Variants in DDX19B observed in about 807,000 individuals in gnomAD.
The protein encoded by DDX19B is ATP-dependent RNA helicase DDX19B.
In DDX19B, 27 loss-of-function variants were observed where a neutral mutation model predicts 58.1. That is an observed-to-expected ratio of 0.46 (90% CI 0.34 to 0.64). DDX19B has a LOEUF of 0.64. Ranked by LOEUF, DDX19B falls within the 30% of genes least tolerant of loss-of-function variation. The pLI, the probability that DDX19B is intolerant of heterozygous loss-of-function variation, is 0.01. For synonymous variants in DDX19B, 187 were observed against 214.4 expected (o/e 0.87, Z 1.12); for missense variants, 399 against 596.5 (o/e 0.67, Z 3.45).
chr16:70,322,411 C>A (rs949895136), intron 5 of DDX19B, among the ~76,000 whole-genome samples: 1 of 150,672 alleles, frequency 6.6e-6, no homozygotes, highest in Non-Finnish European at 1.5e-5. Flanking sequence ...GCCAACATGG[C>A]GAAACCCATC....
intron 1 of DDX19B, among the ~76,000 whole-genome samples, chr16:70,308,456 C>T (rs767609407): frequency 4.6e-5 from 7 of 151,824 alleles, no homozygotes; most frequent in East Asian, 1.9e-4. Flanking sequence ...AGGCTGGTCT[C>T]GAACTCCTGA....
At chr16:70,321,979 G>A (rs1962850250) in intron 5 of DDX19B, among the ~76,000 whole-genome samples, 1 of 150,970 alleles carries the variant, frequency 6.6e-6, no homozygotes. Context: ...AGGTTGCAGT[G>A]AGCTGAGATC....
chr16:70,323,959 G>A (rs1360914389), intron 5 of DDX19B, among the ~76,000 whole-genome samples: 1 of 152,068 alleles, frequency 6.6e-6, no homozygotes, highest in African/African-American at 2.4e-5. Context: ...CCCAAGCAGA[G>A]CACAGCCAAG....
chr16:70,316,236 G>C (rs1215650112), intron 4 of DDX19B, 132 bp downstream of exon 4: 1 of 1,300,580 alleles, frequency 7.7e-7, no homozygotes. Flanking sequence ...TCGAGACAGA[G>C]TCTCACTCTG....
At chr16:70,292,389 C>T (rs1347729348), upstream of DDX19B, among the ~76,000 whole-genome samples, 1 of 152,088 alleles carries the variant, frequency 6.6e-6, no homozygotes, top group Non-Finnish European at 1.5e-5. Context: ...TCAGGTGATT[C>T]GCCTGCCTTG....
At position 70,325,679 on chromosome 16, in the gene DDX19B, G is replaced by A; in HGVS notation, c.598G>A (p.Gly200Ser). ...ACTGAAGCTAGCTTATGCTGTTCGA[G>A]GCAATAAATGTGAGTATGTGAATTT... ...PELKLAYAVRGNKLERGQKIS... is the reference protein window; with the variant it reads ...PELKLAYAVRSNKLERGQKIS... The change falls in exon 7 of 12, where the codon GGC (glycine) becomes AGC (serine). Residue 200 changes from glycine (G) to serine (S), a missense_variant. Physicochemically the swap from Gly to Ser is moderately conservative, Grantham distance 56. Around this residue, in one of 4 missense-constraint regions of DDX19B, gnomAD observed 67 missense variants for 74.3 expected, o/e 0.90. Coordinates refer to ENST00000288071, the MANE Select transcript of DDX19B (RefSeq NM_007242.7). The A allele has an allele frequency of 6.2e-7, 1 of 1,609,860 alleles. No individual in the cohort carries two copies. The highest frequency in any genetic ancestry group is 1.1e-5 in the South Asian group (1 of 90,590).
chr16:70,296,356 C>T (rs1483158231), upstream of DDX19B, among the ~76,000 whole-genome samples: 2 of 151,296 alleles, frequency 1.3e-5, no homozygotes, highest in African/African-American at 4.9e-5. Context: ...AGGCTGGCTT[C>T]GAACTTCTGA....
At chr16:70,293,226 G>A (rs933954355), upstream of DDX19B, among the ~76,000 whole-genome samples, 1 of 151,998 alleles carries the variant, frequency 6.6e-6, no homozygotes, top group Admixed American at 6.6e-5. Flanking sequence ...AGACTAGCCT[G>A]AGCAACATGA....
chr16:70,321,880 A>C (rs1476764775), intron 5 of DDX19B, among the ~76,000 whole-genome samples: 2 of 151,668 alleles, frequency 1.3e-5, no homozygotes, highest in African/African-American at 4.8e-5. Context: ...CTAAAAATAC[A>C]AAAAATTAGC....
At chr16:70,294,929 C>G (rs1012813322), upstream of DDX19B, 20 of 1,516,074 alleles carry the variant, frequency 1.3e-5, no homozygotes, top group Middle Eastern at 3.4e-4. Context: ...TGAGTATCTG[C>G]GAGGGTAGAA....
upstream of DDX19B, chr16:70,294,956 C>T (rs993305583): frequency 1.1e-5 from 16 of 1,466,752 alleles, no homozygotes; most frequent in African/African-American, 1.4e-5. Flanking sequence ...CCCTTTCCTC[C>T]CACGTTTAGG....
intron 2 of DDX19B, among the ~76,000 whole-genome samples, chr16:70,313,117 C>T (rs1165079557): frequency 6.6e-6 from 1 of 152,170 alleles, no homozygotes; most frequent in East Asian, 1.9e-4. Flanking sequence ...CTCCCGGCTT[C>T]ACACCATTCT....
upstream of DDX19B, chr16:70,289,818 CACCACAATTGACATAGTTAAAAAGGGG>C (rs1380012778): frequency 4.8e-6 from 2 of 414,648 alleles, no homozygotes; most frequent in Non-Finnish European, 9.6e-6. Context: ...AAAGTCCTAA[CACCACAATTGACATAGTTAAAAAGGGG>C]AGACGGTAAC....
chr16:70,321,826 G>C (rs576983720), intron 5 of DDX19B, among the ~76,000 whole-genome samples: 16 of 152,050 alleles, frequency 1.1e-4, no homozygotes, highest in African/African-American at 3.1e-4. Context: ...TTGAGGTCAG[G>C]AGTTCGAGAC....
chr16:70,293,766 C>T (rs1961120929), upstream of DDX19B, among the ~76,000 whole-genome samples: 1 of 150,072 alleles, frequency 6.7e-6, no homozygotes, highest in African/African-American at 2.5e-5. Context: ...CGCCCGCCAC[C>T]GTGCCCGGCT....
At chr16:70,315,386 CAAAAAAAAAAA>C (rs750665674) in intron 3 of DDX19B, among the ~76,000 whole-genome samples, 1 of 54,614 alleles carries the variant, frequency 1.8e-5, no homozygotes. Context: ...GACTCTGTCT[CAAAAAAAAAAA>C]AAAAAAAAAG....
At chr16:70,296,407 G>T (rs920635276), upstream of DDX19B, among the ~76,000 whole-genome samples, 26 of 151,864 alleles carry the variant, frequency 1.7e-4, no homozygotes, top group African/African-American at 6.3e-4. Flanking sequence ...GAGTAGCTGG[G>T]ACTGCAGACA....
chr16:70,331,223 AT>A (rs920229247), intron 9 of DDX19B, among the ~76,000 whole-genome samples: 2 of 151,796 alleles, frequency 1.3e-5, no homozygotes, highest in Non-Finnish European at 2.9e-5. Context: ...TTTTATTTTT[AT>A]TTTTGTAGAG....
chr16:70,289,979 G>T (rs1961016424), upstream of DDX19B: 2 of 326,454 alleles, frequency 6.1e-6, no homozygotes, highest in South Asian at 4.6e-5. Flanking sequence ...CCTTGAATTT[G>T]GTGTGGAAGA....
Sources: allele counts gnomAD v4.1 joint callset (sites outside exome capture counted in the v4.1 genomes callset), GRCh38; gene constraint gnomAD v4.1.1; regional missense constraint gnomAD v4.1.1; transcripts MANE v1.5; gene names NCBI Gene and HGNC (gene_info 2026-07-23, HGNC 2026-07-21).